SLC10A7: variants seen among roughly 807,000 people sequenced by gnomAD.
SLC10A7 encodes the protein solute carrier family 10 member 7, also known as sodium/bile acid cotransporter 7.
A neutral mutation model predicts 43.2 loss-of-function variants in SLC10A7; 29 were observed. The ratio of observed to expected loss-of-function variants is 0.67; its 90% CI spans 0.50 to 0.92. The LOEUF is 0.92. SLC10A7 is among the 40% of genes least tolerant of loss of function. The pLI is 0.00. For synonymous variants in SLC10A7, 152 were observed against 144.8 expected, an observed-to-expected ratio of 1.05 and a Z score of -0.35; for missense variants, 295 against 403.2, an observed-to-expected ratio of 0.73 and a Z score of 2.30.
intron 10 of SLC10A7, among the ~76,000 whole-genome samples, chr4:146,259,926 C>A (rs1728116914): frequency 6.6e-6 from 1 of 152,212 alleles, no homozygotes; most frequent in African/African-American, 2.4e-5. Flanking sequence ...AAGCTCCTAA[C>A]CATGTACAAT....
At chr4:146,258,358 G>C (rs1368147045) in intron 11 of SLC10A7, among the ~76,000 whole-genome samples, 1 of 152,206 alleles carries the variant, frequency 6.6e-6, no homozygotes. Flanking sequence ...GGCAAAGATG[G>C]TATGCACCAG....
At chr4:146,468,752 G>A (rs900605606) in intron 4 of SLC10A7, among the ~76,000 whole-genome samples, 2 of 152,058 alleles carry the variant, frequency 1.3e-5, no homozygotes, top group East Asian at 1.9e-4. Context: ...GTGAGCCACC[G>A]CGCCTGGCCA....
At chr4:146,290,442 C>G (rs1303684710) in intron 9 of SLC10A7, among the ~76,000 whole-genome samples, 3 of 150,102 alleles carry the variant, frequency 2.0e-5, no homozygotes, top group Non-Finnish European at 4.4e-5. Flanking sequence ...CGAAGTAAAT[C>G]ATTAGTAGAT....
At chr4:146,392,496 T>C (rs1738510304) in intron 5 of SLC10A7, among the ~76,000 whole-genome samples, 1 of 152,130 alleles carries the variant, frequency 6.6e-6, no homozygotes, top group African/African-American at 2.4e-5. Context: ...TATATATGTG[T>C]GCAAAGATGA....
Position 146,304,464 on chromosome 4 carries a change from G to A in SLC10A7, c.555+1462C>T, listed in dbSNP as rs931370109. ...GGTATGTTGTGTCTTTGTTCTCGTT[G>A]GTTTCAAAGAACATCTTTATTTCTG... is the stretch of plus-strand genomic sequence containing the variant. On this transcript the variant is annotated intron_variant, in intron 7 of 11. Coordinates refer to ENST00000335472, the MANE Select transcript of SLC10A7 (RefSeq NM_001029998.6). 4.6e-5 allele frequency among the ~76,000 whole-genome samples: 7 copies of A among 152,088 alleles called. No individual in the cohort carries two copies. The South Asian group carries it at 6.3e-4, about 14-fold the overall frequency.
At chr4:146,471,200 T>C (rs183905110) in intron 4 of SLC10A7, among the ~76,000 whole-genome samples, 28 of 152,294 alleles carry the variant, frequency 1.8e-4, no homozygotes, top group Non-Finnish European at 3.2e-4. Flanking sequence ...ATGAGTGTCA[T>C]GTTGCCATTC....
intron 6 of SLC10A7, among the ~76,000 whole-genome samples, chr4:146,314,735 G>T (rs1034601600): frequency 3.3e-5 from 5 of 152,110 alleles, no homozygotes; most frequent in African/African-American, 1.2e-4. Context: ...AGGTCTTGAT[G>T]CTCAATTGAC....
chr4:146,475,192 ATT>A (rs1733920723), intron 4 of SLC10A7, among the ~76,000 whole-genome samples: 1 of 152,050 alleles, frequency 6.6e-6, no homozygotes, highest in African/African-American at 2.4e-5. Context: ...AGGCACATAC[ATT>A]TTTCCCCAGG....
Position 146,255,167 on chromosome 4 carries a change from G to T in SLC10A7, c.*1324C>A, listed in dbSNP as rs758405192. On this transcript the variant is annotated 3_prime_UTR_variant, in exon 12 of 12. Transcript: ENST00000335472. ...GAGGACGTGTAAGAGGATGTGACAG[G>T]ACGGCATGGGGGAAACACAGAAAAG... The T allele has an allele frequency of 2.6e-5, 4 of 152,548 alleles. No homozygotes were observed. The highest frequency in any genetic ancestry group is 5.9e-5 in the Non-Finnish European group (4 of 68,032). 9.4% of individuals were successfully genotyped at this position (152,548 alleles called of 1,614,324 possible).
chr4:146,505,831 T>G (rs1043169277), intron 3 of SLC10A7, among the ~76,000 whole-genome samples: 1 of 152,210 alleles, frequency 6.6e-6, no homozygotes, highest in Non-Finnish European at 1.5e-5. Context: ...GTAGACACTA[T>G]TCTAAACACT....
chr4:146,413,469 C>A (rs965990936), intron 5 of SLC10A7, among the ~76,000 whole-genome samples: 1 of 152,114 alleles, frequency 6.6e-6, no homozygotes, highest in African/African-American at 2.4e-5. Context: ...CATATTTAAT[C>A]ATTTTGTTGT....
chr4:146,359,350 A>G (rs1735882740), intron 5 of SLC10A7, among the ~76,000 whole-genome samples: 2 of 152,112 alleles, frequency 1.3e-5, no homozygotes, highest in African/African-American at 4.8e-5. Context: ...TTATTCTCTT[A>G]ATGGTGGCTT....
At chr4:146,408,148 A>G (rs147037959) in intron 5 of SLC10A7, among the ~76,000 whole-genome samples, 382 of 152,288 alleles carry the variant, frequency 2.5e-3, no homozygotes, top group African/African-American at 8.8e-3. Flanking sequence ...ACAGGATAGC[A>G]TATCAGCGGT....
chr4:146,283,885 T>C (rs895143991), intron 9 of SLC10A7, among the ~76,000 whole-genome samples: 1 of 152,074 alleles, frequency 6.6e-6, no homozygotes, highest in Admixed American at 6.6e-5. Context: ...GGGCCCATGG[T>C]AGTAAGTGAC....
intron 4 of SLC10A7, among the ~76,000 whole-genome samples, chr4:146,473,311 G>A (rs1733742907): frequency 6.6e-6 from 1 of 152,124 alleles, no homozygotes; most frequent in Non-Finnish European, 1.5e-5. Context: ...CTGACCCACT[G>A]ACATGCTTTT....
intron 3 of SLC10A7, among the ~76,000 whole-genome samples, chr4:146,506,886 T>C (rs1736960683): frequency 6.6e-6 from 1 of 152,228 alleles, no homozygotes; most frequent in African/African-American, 2.4e-5. Flanking sequence ...TAGCTGCCTA[T>C]GACTGCCACT....
At chr4:146,452,380 G>C (rs549951566) in intron 4 of SLC10A7, among the ~76,000 whole-genome samples, 1 of 152,122 alleles carries the variant, frequency 6.6e-6, no homozygotes, top group East Asian at 1.9e-4. Context: ...CCTAAGCATA[G>C]ATTCAGTTTT....
At chr4:146,433,972 G>A (rs1262786699) in intron 5 of SLC10A7, among the ~76,000 whole-genome samples, 1 of 152,146 alleles carries the variant, frequency 6.6e-6, no homozygotes, top group Non-Finnish European at 1.5e-5. Flanking sequence ...TAATGAAAAG[G>A]GGGAACTGCA....
chr4:146,377,376 C>T (rs1384525003), intron 5 of SLC10A7, among the ~76,000 whole-genome samples: 1 of 152,160 alleles, frequency 6.6e-6, no homozygotes, highest in Non-Finnish European at 1.5e-5. Context: ...TAACACTTAG[C>T]CATCTGTGGA....
Sources: gnomAD v4.1 joint callset for allele counts (sites outside exome capture counted in the v4.1 genomes callset) on GRCh38, gnomAD v4.1.1 for gene constraint, MANE v1.5 for transcripts, NCBI Gene and HGNC (gene_info 2026-07-23, HGNC 2026-07-21) for gene names.